Variants in ALK observed in about 807,000 individuals in gnomAD.
ALK encodes the protein ALK tyrosine kinase receptor.
Under a neutral mutation model 163.1 loss-of-function variants are expected in ALK, and 74 were observed. The observed-to-expected ratio is 0.45, with a 90% CI of 0.38 to 0.55. The LOEUF is 0.55. Among genes scored for constraint, ALK ranks in the 20% least tolerant of loss-of-function variants. The pLI, the probability that ALK is intolerant of heterozygous loss-of-function variation, is 0.00. For missense variants in ALK, 2,063 were observed against 2,105.3 expected (o/e 0.98, Z 0.39); for synonymous variants, 960 against 843.2 (o/e 1.14, Z -2.40).
At chr2:29,525,498 A>G (rs761037530) in intron 4 of ALK, among the ~76,000 whole-genome samples, 2 of 152,208 alleles carry the variant, frequency 1.3e-5, no homozygotes, top group Non-Finnish European at 2.9e-5. Flanking sequence ...GAATAGCTCA[A>G]GATGAGACTC....
At chr2:29,421,910 T>C (rs1246897471) in intron 4 of ALK, among the ~76,000 whole-genome samples, 2 of 151,704 alleles carry the variant, frequency 1.3e-5, no homozygotes, top group Admixed American at 6.5e-5. Context: ...GGAAGAACTT[T>C]TGTTTGCTAG....
chr2:29,528,854 G>C (rs1673033025), intron 4 of ALK, among the ~76,000 whole-genome samples: 1 of 152,160 alleles, frequency 6.6e-6, no homozygotes, highest in Non-Finnish European at 1.5e-5. Flanking sequence ...GCCGGGCCTA[G>C]GCTGTTTGGT....
rs142234574 is a variant in ALK at position 29,240,152 on chromosome 2, C to CAGAGAGAGGGAG, written c.2205-323_2205-322insCTCCCTCTCTCT. Among the ~76,000 whole-genome samples the CAGAGAGAGGGAG allele has an allele frequency of 3.7e-3, 536 of 143,406 alleles. 2 individuals carry two copies. The highest frequency in any genetic ancestry group is 0.013 in the African/African-American group (519 of 38,792). The allele number at this position is 143,406 out of a possible 152,430, so 94.1% of individuals were successfully genotyped here. The stretch of plus-strand genomic sequence containing the variant: ...GGAGGGGAGAGAGAGAGGGAAACAG[C>CAGAGAGAGGGAG]AGAGAGAGAGAGAGAGAGAGAGAGA... On this transcript the variant is annotated intron_variant, in intron 12 of 28. Transcript: ENST00000389048.
In ALK at chr2:29,831,117, A is replaced by G. The variant is rs1282631328; in HGVS notation, c.667+88876T>C. Among the ~76,000 whole-genome samples, 172 of 45,342 alleles carry G rather than the reference A, an allele frequency of 3.8e-3. 27 individuals are homozygous for G. The highest frequency in any genetic ancestry group is 0.015 in the African/African-American group (162 of 10,668). 29.7% of individuals were successfully genotyped at this position (45,342 alleles called of 152,430 possible). On this transcript the variant is annotated intron_variant, in intron 1 of 28. Transcript: ENST00000389048. Reference sequence around the variant, plus strand: ...GGAGGAGGAGGAGGAGGAGAAGAAGAAGAAGAAGGGGAAGAAGGGGAAGAA... The same window carrying G: ...GGAGGAGGAGGAGGAGGAGAAGAAGGAGAAGAAGGGGAAGAAGGGGAAGAA...
intron 3 of ALK, among the ~76,000 whole-genome samples, chr2:29,658,048 A>G (rs1415311722): frequency 6.6e-6 from 1 of 152,134 alleles, no homozygotes; most frequent in African/African-American, 2.4e-5. Flanking sequence ...AGGAGAAGGG[A>G]GAGCTAACTA....
intron 1 of ALK, among the ~76,000 whole-genome samples, chr2:29,773,233 T>TACACAC (rs111768210): frequency 0.19 from 28,145 of 146,816 alleles, 2,709 homozygotes; most frequent in East Asian, 0.32. Context: ...ACAGTAAATG[T>TACACAC]ACACACACAC....
rs1558424514 is a variant in ALK, at chr2:29,647,781, T to TC, written c.952+47068_952+47069insG. Among the ~76,000 whole-genome samples, 14 of 147,568 alleles carry TC rather than the reference T, an allele frequency of 9.5e-5. No homozygotes were observed. In the South Asian group the frequency reaches 1.9e-3, roughly 20 times the overall value. On this transcript the variant is annotated intron_variant, in intron 3 of 28. Transcript: ENST00000389048. ...ACCACGTTCATGATTTTTTCTTTTTTTTTTTTTTTTTTTGCCACAGTCACA... is the reference window on the plus strand; with the variant it reads ...ACCACGTTCATGATTTTTTCTTTTTTCTTTTTTTTTTTTTGCCACAGTCACA...
At chr2:29,326,476 T>C (rs1257309577) in intron 6 of ALK, among the ~76,000 whole-genome samples, 1 of 152,182 alleles carries the variant, frequency 6.6e-6, no homozygotes, top group African/African-American at 2.4e-5. Context: ...TCAGAGGCAC[T>C]GCTGGAAACA....
At chr2:29,843,199 T>C (rs1237965081) in intron 1 of ALK, among the ~76,000 whole-genome samples, 1 of 151,970 alleles carries the variant, frequency 6.6e-6, no homozygotes, top group Non-Finnish European at 1.5e-5. Flanking sequence ...ACCCACCAGC[T>C]AGAAGGGGTC....
chr2:29,917,183 A>T (rs1440825805), intron 1 of ALK, among the ~76,000 whole-genome samples: 1 of 152,194 alleles, frequency 6.6e-6, no homozygotes, highest in African/African-American at 2.4e-5. Flanking sequence ...GGTCTGAGCC[A>T]AATGGGCTGC....
intron 4 of ALK, among the ~76,000 whole-genome samples, chr2:29,439,798 C>A (rs1171185043): frequency 6.6e-6 from 1 of 152,060 alleles, no homozygotes; most frequent in Non-Finnish European, 1.5e-5. Flanking sequence ...CTGACGGCCA[C>A]CACCAGAAGC....
intron 23 of ALK, among the ~76,000 whole-genome samples, chr2:29,215,980 TC>T (rs1185091086): frequency 6.6e-6 from 1 of 152,184 alleles, no homozygotes; most frequent in African/African-American, 2.4e-5. Context: ...TTGAGGGGTT[TC>T]CACATGGGAG....
intron 1 of ALK, among the ~76,000 whole-genome samples, chr2:29,820,910 G>T (rs1665029657): frequency 6.6e-6 from 1 of 152,216 alleles, no homozygotes; most frequent in African/African-American, 2.4e-5. Flanking sequence ...GAGGCCTGCA[G>T]CCTTTGACCT....
chr2:29,344,652 T>G (rs1667894966), intron 5 of ALK, among the ~76,000 whole-genome samples: 1 of 152,264 alleles, frequency 6.6e-6, no homozygotes, highest in African/African-American at 2.4e-5. Flanking sequence ...CATGAAAAAG[T>G]TACCTGCCCA....
chr2:29,717,881 T>A (rs1246686687), intron 1 of ALK, among the ~76,000 whole-genome samples, 184 bp from the exon 2 acceptor site: 15 of 152,178 alleles, frequency 9.9e-5, no homozygotes, highest in Admixed American at 8.5e-4. Flanking sequence ...GTACATTTTC[T>A]ATCAAGGGCA....
chr2:29,918,605 G>A (rs572692763), intron 1 of ALK, among the ~76,000 whole-genome samples: 12 of 152,252 alleles, frequency 7.9e-5, no homozygotes, highest in African/African-American at 2.4e-4. Flanking sequence ...ATGTGCATCC[G>A]CACTCTGTTT....
At chr2:29,383,948 G>C in intron 4 of ALK, 89 bp from the exon 5 acceptor site, 1 of 1,540,400 alleles carries the variant, frequency 6.5e-7, no homozygotes, top group South Asian at 1.1e-5. Context: ...TGTCCTTGCA[G>C]GGACTTCAGG....
intron 3 of ALK, among the ~76,000 whole-genome samples, chr2:29,687,850 A>G (rs555197090): frequency 6.6e-6 from 1 of 152,176 alleles, no homozygotes; most frequent in South Asian, 2.1e-4. Context: ...TTGTGGTATA[A>G]TATTTTAGGT....
At chr2:29,686,837 C>A (rs1176907628) in intron 3 of ALK, among the ~76,000 whole-genome samples, 1 of 152,196 alleles carries the variant, frequency 6.6e-6, no homozygotes, top group African/African-American at 2.4e-5. Context: ...ATTAAGGCAA[C>A]CCTTCTCAGG....
Sources: gnomAD v4.1 joint callset for allele counts (sites outside exome capture counted in the v4.1 genomes callset) on GRCh38, gnomAD v4.1.1 for gene constraint, MANE v1.5 for transcripts, NCBI Gene and HGNC (gene_info 2026-07-23, HGNC 2026-07-21) for gene names.